ERBB4: variants seen among roughly 807,000 people sequenced by gnomAD.
ERBB4 encodes erb-b2 receptor tyrosine kinase 4.
ERBB4 carries 42 observed loss-of-function variants against 158.0 expected under a neutral mutation model. The ratio of observed to expected loss-of-function variants is 0.27; its 90% confidence interval spans 0.21 to 0.34. The LOEUF is 0.34. Ranked by LOEUF, ERBB4 falls within the 10% of genes least tolerant of loss-of-function variation. The pLI is 1.00. For missense variants in ERBB4, 1,333 were observed against 1,624.1 expected (o/e 0.82, Z 3.08); for synonymous variants, 583 against 558.7 (o/e 1.04, Z -0.61).
intron 1 of ERBB4, among the ~76,000 whole-genome samples, chr2:212,453,359 T>C (rs1688102955): frequency 1.3e-5 from 2 of 152,204 alleles, no homozygotes; most frequent in Admixed American, 6.6e-5. Flanking sequence ...AAACTCCTTC[T>C]GCCTTCAAAA....
At chr2:211,821,424 T>A (rs527732717) in intron 3 of ERBB4, among the ~76,000 whole-genome samples, 3 of 152,056 alleles carry the variant, frequency 2.0e-5, no homozygotes, top group African/African-American at 7.2e-5. Context: ...ATAATTAATA[T>A]TGTTAAAATG....
intron 1 of ERBB4, among the ~76,000 whole-genome samples, chr2:212,494,403 T>G (rs1690446230): frequency 6.6e-6 from 1 of 152,042 alleles, no homozygotes; most frequent in Non-Finnish European, 1.5e-5. Context: ...GATAATAAAA[T>G]TGACCTGGGA....
chr2:212,044,645 C>T (rs1472580180), intron 2 of ERBB4, among the ~76,000 whole-genome samples: 1 of 152,100 alleles, frequency 6.6e-6, no homozygotes, highest in East Asian at 1.9e-4. Flanking sequence ...AACTCCTAAT[C>T]ATAAAACTTT....
At chr2:212,488,103 T>C (rs572018641) in intron 1 of ERBB4, among the ~76,000 whole-genome samples, 1 of 152,262 alleles carries the variant, frequency 6.6e-6, no homozygotes, top group East Asian at 1.9e-4. Context: ...CCCAGTTCAC[T>C]GATAACCTCC....
At chr2:212,291,290 T>C (rs1245592258) in intron 1 of ERBB4, among the ~76,000 whole-genome samples, 2 of 152,148 alleles carry the variant, frequency 1.3e-5, no homozygotes, top group South Asian at 2.1e-4. Flanking sequence ...CTATAGACTA[T>C]ACTAAATAAC....
intron 2 of ERBB4, among the ~76,000 whole-genome samples, chr2:212,043,931 T>G (rs2077198663): frequency 6.6e-6 from 1 of 152,152 alleles, no homozygotes; most frequent in Admixed American, 6.6e-5. Flanking sequence ...TTACATATTA[T>G]CATTATTCCC....
intron 19 of ERBB4, among the ~76,000 whole-genome samples, chr2:211,562,753 A>G (rs992383525): frequency 1.3e-5 from 2 of 151,042 alleles, no homozygotes; most frequent in Non-Finnish European, 2.9e-5. Context: ...AGACTATAAA[A>G]ATTTGACTAC....
chr2:212,268,756 G>T (rs2085239818), intron 1 of ERBB4, among the ~76,000 whole-genome samples: 1 of 151,822 alleles, frequency 6.6e-6, no homozygotes, highest in South Asian at 2.1e-4. Context: ...CAGCTGGTGA[G>T]CCAGATTTGA....
chr2:212,256,741 T>C (rs2084753594), intron 1 of ERBB4, among the ~76,000 whole-genome samples: 1 of 152,186 alleles, frequency 6.6e-6, no homozygotes, highest in Non-Finnish European at 1.5e-5. Flanking sequence ...AACCTGGATC[T>C]ACATGATTTT....
At chr2:211,458,328 G>C (rs2064440155) in intron 20 of ERBB4, among the ~76,000 whole-genome samples, 1 of 151,494 alleles carries the variant, frequency 6.6e-6, no homozygotes, top group Admixed American at 6.6e-5. Flanking sequence ...GTGCAGTGGT[G>C]TGATCTCAGC....
Position 212,348,075 on chromosome 2 carries a change from A to C in ERBB4, c.82+190374T>G, listed in dbSNP as rs183890982. 5.9e-5 allele frequency among the ~76,000 whole-genome samples: 9 copies of C among 152,268 alleles called. 1 individual carries two copies. The highest frequency in any genetic ancestry group is 2.2e-4 in the African/African-American group (9 of 41,590). ...AGTGTCAAGAAACAGTTTAGAACTC[A>C]AAAAGAAAATAAAATTTTTATTTTA... On this transcript the variant is annotated intron_variant, in intron 1 of 27. Transcript: ENST00000342788.
chr2:211,562,493 G>A (rs1361022657), intron 19 of ERBB4, among the ~76,000 whole-genome samples: 2 of 152,162 alleles, frequency 1.3e-5, no homozygotes, highest in African/African-American at 2.4e-5. Flanking sequence ...TGCAGGTAGA[G>A]TAAGGTGAGC....
chr2:212,009,184 A>G (rs574459348), intron 2 of ERBB4, among the ~76,000 whole-genome samples: 68 of 152,234 alleles, frequency 4.5e-4, no homozygotes, highest in Admixed American at 1.4e-3. Context: ...TTCTACCTGG[A>G]ACCCATGAAT....
At chr2:211,593,094 G>A (rs1329965574) in intron 19 of ERBB4, among the ~76,000 whole-genome samples, 1 of 151,930 alleles carries the variant, frequency 6.6e-6, no homozygotes, top group Non-Finnish European at 1.5e-5. Context: ...ATGTGTCTTT[G>A]GGTTTAGCAT....
chr2:211,766,990 G>A (rs917645386), intron 4 of ERBB4, among the ~76,000 whole-genome samples: 4 of 152,116 alleles, frequency 2.6e-5, no homozygotes, highest in African/African-American at 7.2e-5. Context: ...AGTCTGACTG[G>A]TTGGGGGCCA....
intron 2 of ERBB4, among the ~76,000 whole-genome samples, chr2:212,041,082 C>T (rs1388974752): frequency 6.6e-6 from 1 of 152,004 alleles, no homozygotes; most frequent in South Asian, 2.1e-4. Context: ...AGTTACTTAA[C>T]CTCTCTGCCT....
In ERBB4 at chr2:211,885,995, G is replaced by A. The variant is rs1029059050; in HGVS notation, c.421+61435C>T. Among the ~76,000 whole-genome samples, 43 of 152,030 alleles carry A rather than the reference G, an allele frequency of 2.8e-4. 1 individual carries two copies. Among genetic ancestry groups the A allele is most frequent in the Admixed American group, 2.4e-3 (36 of 15,256 alleles). On this transcript the variant is annotated intron_variant, in intron 3 of 27. Coordinates refer to ENST00000342788, the MANE Select transcript of ERBB4 (RefSeq NM_005235.3). ...AATTCTGTTAATAAATTTTCTATAC[G>A]TCAAATATTTTTACCAATTCAAATT...
chr2:212,304,821 A>C (rs577764611), intron 1 of ERBB4, among the ~76,000 whole-genome samples: 1 of 151,616 alleles, frequency 6.6e-6, no homozygotes, highest in Non-Finnish European at 1.5e-5. Flanking sequence ...ACAATAAAAA[A>C]ACAGTGTCTA....
At chr2:211,488,235 C>A (rs1282594927) in intron 20 of ERBB4, among the ~76,000 whole-genome samples, 9 of 152,162 alleles carry the variant, frequency 5.9e-5, no homozygotes, top group Non-Finnish European at 2.9e-5. Context: ...CTGAGCTACA[C>A]AGAAACTATC....
Sources: gnomAD v4.1 joint callset for allele counts (sites outside exome capture counted in the v4.1 genomes callset) on GRCh38, gnomAD v4.1.1 for gene constraint, MANE v1.5 for transcripts, NCBI Gene and HGNC (gene_info 2026-07-23, HGNC 2026-07-21) for gene names.